Variants in ITSN1 observed in about 807,000 individuals in gnomAD.
ITSN1 encodes intersectin 1.
A neutral mutation model predicts 239.8 loss-of-function variants in ITSN1; 58 were observed. The observed-to-expected ratio is 0.24, with a 90% CI of 0.20 to 0.30. The LOEUF is 0.30. ITSN1 is among the 10% of genes least tolerant of loss of function. The pLI is 1.00. For missense variants in ITSN1, 1,558 were observed against 2,103.3 expected (o/e 0.74, Z 5.07); for synonymous variants, 780 against 770.8 (o/e 1.01, Z -0.20).
In ITSN1 at chr21:33,826,906, G is replaced by T. The variant is rs753378102; in HGVS notation, c.3229+43G>T. ...ATGCTTACTTTTCAATGTTTTGAAT[G>T]TAATTGATAGTTGCTCCCCATCTTT... On this transcript the variant is annotated intron_variant, in intron 26 of 39. Transcript: ENST00000381318. 1.0e-5 allele frequency: 15 copies of T among 1,488,616 alleles called. No homozygotes were observed. The African/African-American group carries it at 1.8e-4, about 18-fold the overall frequency. 92.2% of individuals were successfully genotyped at this position (1,488,616 alleles called of 1,614,324 possible).
chr21:33,817,217 C>T (rs2073338853), intron 22 of ITSN1: 1 of 1,293,582 alleles, frequency 7.7e-7, no homozygotes, highest in Admixed American at 2.3e-5. Flanking sequence ...AAATGCCTCA[C>T]CCTGCCTTTC....
In ITSN1 at chr21:33,689,545, G is replaced by A. The variant is rs115999366; in HGVS notation, c.-32-29252G>A. On this transcript the variant is annotated intron_variant, in intron 1 of 39. Coordinates refer to ENST00000381318, the MANE Select transcript of ITSN1 (RefSeq NM_003024.3). ...AAATAAAATTAACAGGCACAGTGAT[G>A]TATACCTCTAGTCCTAGCTACCGTA... Among the ~76,000 whole-genome samples, 229 of 152,222 alleles carry A rather than the reference G, an allele frequency of 1.5e-3. 2 individuals carry two copies. The highest frequency in any genetic ancestry group is 5.4e-3 in the African/African-American group (224 of 41,532).
chr21:33,876,105 CTTTCTTTCTTTCTT>C (rs1223603240), intron 34 of ITSN1, among the ~76,000 whole-genome samples: 1 of 23,338 alleles, frequency 4.3e-5, no homozygotes, highest in South Asian at 1.3e-3. Flanking sequence ...TTCTTTCCTT[CTTTCTTTCTTTCTT>C]TCTTTCTTTC....
intron 27 of ITSN1, 22 bp from the exon 28 acceptor site, chr21:33,834,285 G>T: frequency 6.4e-7 from 1 of 1,554,416 alleles, no homozygotes; most frequent in South Asian, 1.1e-5. Context: ...AAAAATGTTT[G>T]ATGTAATTAT....
chr21:33,705,444 G>C (rs1157162513), intron 1 of ITSN1, among the ~76,000 whole-genome samples: 2 of 152,066 alleles, frequency 1.3e-5, no homozygotes, highest in African/African-American at 4.8e-5. Flanking sequence ...CTGGAGTGCA[G>C]TGGCACGATC....
At chr21:33,704,914 C>T (rs2092178039) in intron 1 of ITSN1, among the ~76,000 whole-genome samples, 1 of 131,916 alleles carries the variant, frequency 7.6e-6, no homozygotes, top group Non-Finnish European at 1.6e-5. Context: ...TGGAGAAACC[C>T]ATCTCTACTA....
In ITSN1 at chr21:33,797,692, C is replaced by A; in HGVS notation, c.2182+84C>A. 9.9e-7 allele frequency: 1 copy of A among 1,010,512 alleles called. No individual in the cohort carries two copies. The highest frequency in any genetic ancestry group is 1.5e-6 in the Non-Finnish European group (1 of 669,466). The allele number at this position is 1,010,512 out of a possible 1,614,324, so 62.6% of individuals were successfully genotyped here. On this transcript the variant is annotated intron_variant, in intron 18 of 39. Coordinates refer to ENST00000381318, the MANE Select transcript of ITSN1 (RefSeq NM_003024.3). The surrounding 1 kb of genome is among the most constrained non-coding windows in gnomAD (Gnocchi z 4.9). ...GAAAAATGCCCCTATCTCATCAGTA[C>A]CTGTCTTGGCTACATTAACAGATGA...
chr21:33,668,164 C>T (rs1244802125), intron 1 of ITSN1, among the ~76,000 whole-genome samples: 2 of 152,198 alleles, frequency 1.3e-5, no homozygotes, highest in African/African-American at 4.8e-5. Context: ...TTGAGTCTAG[C>T]ACTTACTGCC....
chr21:33,679,416 A>C (rs995856445), intron 1 of ITSN1, among the ~76,000 whole-genome samples: 1 of 152,164 alleles, frequency 6.6e-6, no homozygotes, highest in Non-Finnish European at 1.5e-5. Context: ...CAATTTCACT[A>C]TTTTAGTTTT....
At chr21:33,855,031 C>T (rs546134830) in intron 29 of ITSN1, among the ~76,000 whole-genome samples, 12 of 152,272 alleles carry the variant, frequency 7.9e-5, no homozygotes, top group African/African-American at 2.6e-4. Context: ...GAGAGTTAAC[C>T]TCTAAAGCAG....
At position 33,897,525 on chromosome 21, in the gene ITSN1, CACTATATAA is replaced by C. The variant is rs1986853386; in HGVS notation, c.*9227_*9235del. The C allele has an allele frequency of 6.6e-6, 1 of 152,152 alleles. No individual in the cohort carries two copies. The allele number at this position is 152,152 out of a possible 1,614,324, so 9.4% of individuals were successfully genotyped here. On this transcript the variant is annotated 3_prime_UTR_variant, in exon 40 of 40. Transcript: ENST00000381318. Reference sequence around the variant, plus strand: ...TCCAGCTAAGAAAAAGGCGAACTCCCACTATATAAAGGGAAAAGGTTGTATTCATTTCAT... The same window carrying C: ...TCCAGCTAAGAAAAAGGCGAACTCCCAGGGAAAAGGTTGTATTCATTTCAT...
intron 31 of ITSN1, among the ~76,000 whole-genome samples, chr21:33,861,941 G>A (rs556777600): frequency 8.8e-5 from 11 of 125,456 alleles, no homozygotes; most frequent in African/African-American, 1.9e-4. Flanking sequence ...GTGAGACTCC[G>A]TCTCAAAAAA....
intron 37 of ITSN1, 72 bp from the exon 38 acceptor site, chr21:33,885,367 G>C (rs2148566336): frequency 1.5e-6 from 2 of 1,363,224 alleles, no homozygotes; most frequent in Middle Eastern, 3.6e-4. Flanking sequence ...GAAATGCATT[G>C]TGAGGCTCAC....
At chr21:33,742,003 A>G (rs1019974698) in intron 5 of ITSN1, among the ~76,000 whole-genome samples, 3 of 151,728 alleles carry the variant, frequency 2.0e-5, no homozygotes, top group Admixed American at 2.0e-4. Flanking sequence ...AAAAATTACT[A>G]TTAATTCTGT....
intron 1 of ITSN1, among the ~76,000 whole-genome samples, chr21:33,672,988 C>T (rs1000338160): frequency 2.6e-5 from 4 of 152,070 alleles, no homozygotes; most frequent in African/African-American, 4.8e-5. Context: ...GGATTACGGG[C>T]GGGAGGCACC....
intron 4 of ITSN1, among the ~76,000 whole-genome samples, chr21:33,724,643 C>G (rs2065707188): frequency 6.6e-6 from 1 of 152,136 alleles, no homozygotes; most frequent in Non-Finnish European, 1.5e-5. Flanking sequence ...CAGATATCTC[C>G]TGTGGGCCAG....
chr21:33,792,934 A>G (rs1435587570), intron 16 of ITSN1, among the ~76,000 whole-genome samples: 1 of 137,186 alleles, frequency 7.3e-6, no homozygotes. Flanking sequence ...CTTCTTCTCC[A>G]TTTTCCCCTT....
chr21:33,794,251 G>A, intron 16 of ITSN1, 90 bp from the exon 17 acceptor site: 8 of 982,452 alleles, frequency 8.1e-6, no homozygotes, highest in Non-Finnish European at 1.3e-5. Flanking sequence ...AGTGTCCTAG[G>A]CTTCCCACTA....
rs187045529 is a variant in ITSN1, at chr21:33,760,660, A to G, written c.725-1263A>G. ...AGACTAAGCCAGGACTAGAGCCTAC[A>G]GCTCCTTGGTTCCCTGACCTCTACT... On this transcript the variant is annotated intron_variant, in intron 8 of 39. Transcript: ENST00000381318. 3.4e-4 allele frequency among the ~76,000 whole-genome samples: 52 copies of G among 152,332 alleles called. No individual in the cohort carries two copies. The East Asian group carries it at 9.7e-3, about 28-fold the overall frequency.
Sources: gnomAD v4.1 joint callset for allele counts (sites outside exome capture counted in the v4.1 genomes callset) on GRCh38, gnomAD v4.1.1 for gene constraint, Gnocchi (gnomAD v3.1) non-coding constraint, MANE v1.5 for transcripts, NCBI Gene and HGNC (gene_info 2026-07-23, HGNC 2026-07-21) for gene names.